The following HPD variants were observed in gnomAD, a reference collection of about 807,000 sequenced individuals.
The protein encoded by HPD is 4-hydroxyphenylpyruvic acid oxidase.
In HPD, 35 loss-of-function variants were observed where a neutral mutation model predicts 56.9. The ratio of observed to expected loss-of-function variants is 0.62; its 90% confidence interval spans 0.47 to 0.82. HPD has a LOEUF of 0.82. Ranked by LOEUF, HPD falls within the 40% of genes least tolerant of loss-of-function variation. The pLI is 0.00. For synonymous variants in HPD, 186 were observed against 200.2 expected, an observed-to-expected ratio of 0.93 and a Z score of 0.60; for missense variants, 442 against 506.8, an observed-to-expected ratio of 0.87 and a Z score of 1.23.
chr12:121,873,594 G>A, the HPD span, among the ~76,000 whole-genome samples: 3 of 152,204 alleles, frequency 2.0e-5, no homozygotes, highest in African/African-American at 2.4e-5. Context: ...TGAGGCGGGC[G>A]GATCACAAGG....
At chr12:121,856,912 C>G in intron 4 of HPD, 2 of 534,858 alleles carry the variant, frequency 3.7e-6, no homozygotes, top group South Asian at 2.1e-5. Context: ...TTCCTCTCCT[C>G]TGATATCCCA....
chr12:121,868,294 G>A (rs79447196), upstream of HPD, among the ~76,000 whole-genome samples: 763 of 152,278 alleles, frequency 5.0e-3, 11 homozygotes, highest in African/African-American at 0.017. Context: ...CAAATGTGAA[G>A]GGTTAGAGAA....
At chr12:121,847,002 C>T (rs1464943291) in intron 10 of HPD, 50 bp downstream of exon 10, 1 of 1,612,996 alleles carries the variant, frequency 6.2e-7, no homozygotes. Context: ...CTACAAGAGC[C>T]CCCAGACCTC....
At chr12:121,849,815 C>T (rs368564039) in intron 7 of HPD, 25 bp from the exon 8 acceptor site, 11 of 1,530,850 alleles carry the variant, frequency 7.2e-6, no homozygotes, top group East Asian at 4.5e-5. Context: ...CAGCCTGGCT[C>T]GGCCCCTGGG....
rs868652540 is a variant in HPD at position 121,858,851 on chromosome 12, G to A, written c.-28C>T. 4 of 1,613,930 alleles carry A rather than the reference G, an allele frequency of 2.5e-6. No individual in the cohort carries two copies. The highest frequency in any genetic ancestry group is 2.5e-6 in the Non-Finnish European group (3 of 1,179,868). On this transcript the variant is annotated 5_prime_UTR_variant, in exon 1 of 14. Coordinates refer to ENST00000289004, the MANE Select transcript of HPD (RefSeq NM_002150.3). ...TTGATCTTAGTCAAACCTCCTACTGGGACTAGAGGCCTGGGGAGTGCTGGG... is the reference window on the plus strand; with the variant it reads ...TTGATCTTAGTCAAACCTCCTACTGAGACTAGAGGCCTGGGGAGTGCTGGG...
Position 121,854,785 on chromosome 12 carries a change from C to T in HPD, c.332G>A (p.Arg111Gln), listed in dbSNP as rs1212514277. The T allele has an allele frequency of 2.5e-6, 4 of 1,613,792 alleles. No homozygotes were observed. Among genetic ancestry groups the T allele is most frequent in the Middle Eastern group, 1.6e-4 (1 of 6,062 alleles). Reference sequence around the variant, plus strand: ...CCGCATGATTTTGGCGCCCCGTTCCCGTGCTTTCTGCAGAGAAGATGGGAT... The same window carrying T: ...CCGCATGATTTTGGCGCCCCGTTCCTGTGCTTTCTGCAGAGAAGATGGGAT... ...EDCDYIVQKA[R>Q]ERGAKIMREP... The change falls in exon 7 of 14, where the codon CGG (arginine) becomes CAG (glutamine). Residue 111 changes from arginine to glutamine, a missense_variant. Arg to Gln is a conservative substitution (Grantham distance 43, BLOSUM62 1). Transcript: ENST00000289004.
At chr12:121,876,939 C>T in the HPD span, among the ~76,000 whole-genome samples, 1 of 151,688 alleles carries the variant, frequency 6.6e-6, no homozygotes, top group Non-Finnish European at 1.5e-5. Flanking sequence ...ACTAAAAATA[C>T]AAAAATTAGC....
chr12:121,844,470 G>A lies in HPD; in HGVS notation c.832-638C>T, dbSNP rs185994398. 3.7e-3 allele frequency among the ~76,000 whole-genome samples: 566 copies of A among 152,148 alleles called. 4 individuals are homozygous for A. The highest frequency in any genetic ancestry group is 0.013 in the African/African-American group (531 of 41,538). ...GAAACGATTAAGGATCTATTAGGCC[G>A]AGTGTGGTGGCTCACGCCTGTAAGC... On this transcript the variant is annotated intron_variant, in intron 11 of 13. Transcript: ENST00000289004.
At chr12:121,856,687 A>C (rs972406652) in intron 4 of HPD, 62 bp from the exon 5 acceptor site, 1 of 1,509,480 alleles carries the variant, frequency 6.6e-7, no homozygotes, top group African/African-American at 1.4e-5. Flanking sequence ...AGGTGCACCC[A>C]TCGGCCCCTC....
At chr12:121,880,533 T>C in the HPD span, among the ~76,000 whole-genome samples, 2 of 152,090 alleles carry the variant, frequency 1.3e-5, no homozygotes, top group Non-Finnish European at 2.9e-5. Flanking sequence ...GAATCAAGCA[T>C]TACCAAGATC....
At chr12:121,849,381 C>G (rs1877688956) in intron 8 of HPD, among the ~76,000 whole-genome samples, 1 of 152,044 alleles carries the variant, frequency 6.6e-6, no homozygotes, top group South Asian at 2.1e-4. Flanking sequence ...TTTGTCAACT[C>G]ATTTACTATT....
intron 12 of HPD, among the ~76,000 whole-genome samples, chr12:121,841,807 C>T (rs1877417588): frequency 6.6e-6 from 1 of 152,012 alleles, no homozygotes; most frequent in Non-Finnish European, 1.5e-5. Context: ...GCCTCAGGCT[C>T]CCCAGTAGCT....
chr12:121,849,033 G>C lies in HPD; in HGVS notation c.562C>G (p.Gln188Glu), dbSNP rs1395766994. 1 of 1,613,914 alleles carries C rather than the reference G, an allele frequency of 6.2e-7. No individual in the cohort carries two copies. The highest frequency in any genetic ancestry group is 1.7e-5 in the Admixed American group (1 of 59,976). ...GCGGACACCATCTCCTGATCAGGCT[G>C]GTTTCCCACAATGTGGTCGATCATC... The part of the protein sequence containing the change: ...LEMIDHIVGN[Q>E]PDQEMVSASE... Residue 188 changes from glutamine to glutamate, a missense_variant, in exon 9 of 14, where the codon CAG becomes GAG. Gln to Glu is a conservative substitution (Grantham distance 29). Transcript: ENST00000289004.
the HPD span, among the ~76,000 whole-genome samples, chr12:121,886,850 C>T: frequency 6.6e-6 from 1 of 152,092 alleles, no homozygotes; most frequent in African/African-American, 2.4e-5. Flanking sequence ...AAGTAAGGAT[C>T]ATGTATTGCA....
the HPD span, among the ~76,000 whole-genome samples, chr12:121,879,178 A>T: frequency 6.6e-6 from 1 of 152,118 alleles, no homozygotes; most frequent in African/African-American, 2.4e-5. Flanking sequence ...CCAGCTACTC[A>T]GGAGGCTGAG....
chr12:121,852,666 G>C (rs906803692), intron 7 of HPD, among the ~76,000 whole-genome samples: 1 of 88,818 alleles, frequency 1.1e-5, no homozygotes, highest in Admixed American at 1.8e-4. Context: ...AGGGAGTCTT[G>C]TTCTGTCGCC....
chr12:121,856,381 G>A lies in HPD; in HGVS notation c.267C>T (p.His89=), dbSNP rs150733775. Residue 89 remains histidine (H), a synonymous_variant, in exon 6 of 14, where the codon CAC becomes CAT. Transcript: ENST00000289004. ...ACGCAATGTCCTTCACTCCGTCACCGTGTTTCACCAGGTGATCGCCCATCT... is the reference window on the plus strand; with the variant it reads ...ACGCAATGTCCTTCACTCCGTCACCATGTTTCACCAGGTGATCGCCCATCT... The part of the protein sequence containing the change: ...NKEMGDHLVK[H]GDGVKDIAFE... The A allele has an allele frequency of 1.1e-5, 18 of 1,614,076 alleles. No homozygotes were observed. The highest frequency in any genetic ancestry group is 4.0e-5 in the African/African-American group (3 of 75,024).
intron 7 of HPD, among the ~76,000 whole-genome samples, chr12:121,851,564 G>C (rs1446666376): frequency 6.7e-6 from 1 of 150,298 alleles, no homozygotes. Flanking sequence ...GGCTGGTCTC[G>C]AACTCCTGAA....
the HPD span, among the ~76,000 whole-genome samples, chr12:121,873,556 C>T: frequency 3.3e-5 from 5 of 152,326 alleles, 1 homozygote; most frequent in South Asian, 8.3e-4. Context: ...CGGTGGCTCA[C>T]GCCTGTAATC....
Sources: allele counts gnomAD v4.1 joint callset (sites outside exome capture counted in the v4.1 genomes callset), GRCh38; gene constraint gnomAD v4.1.1; transcripts MANE v1.5; gene names NCBI Gene and HGNC (gene_info 2026-07-23, HGNC 2026-07-21).